TUSC3: variants seen among roughly 807,000 people sequenced by gnomAD.
TUSC3 encodes the protein tumor suppressor candidate 3.
Under a neutral mutation model 44.8 loss-of-function variants are expected in TUSC3, and 45 were observed. The ratio of observed to expected loss-of-function variants is 1.00; its 90% CI spans 0.79 to 1.29. The LOEUF is 1.29. Among genes scored for constraint, TUSC3 ranks in the 50% most tolerant of loss-of-function variants. The pLI is 0.00. For missense variants in TUSC3, 519 were observed against 437.9 expected, an observed-to-expected ratio of 1.19 and a Z score of -1.65; for synonymous variants, 212 against 152.9, an observed-to-expected ratio of 1.39 and a Z score of -2.85.
At chr8:15,775,748 C>CTATATATATATATA in the TUSC3 span, among the ~76,000 whole-genome samples, 2 of 138,890 alleles carry the variant, frequency 1.4e-5, no homozygotes, top group African/African-American at 5.3e-5. Flanking sequence ...ATATATTACA[C>CTATATATATATATA]TATATATATA....
chr8:15,838,220 C>G, the TUSC3 span, among the ~76,000 whole-genome samples: 1 of 152,106 alleles, frequency 6.6e-6, no homozygotes, highest in Non-Finnish European at 1.5e-5. Context: ...TTAGCACCTC[C>G]GGATATATCA....
At chr8:15,548,762 A>G (rs1301680414) in intron 1 of TUSC3, among the ~76,000 whole-genome samples, 1 of 151,830 alleles carries the variant, frequency 6.6e-6, no homozygotes, top group Non-Finnish European at 1.5e-5. Context: ...TACAACTTGT[A>G]TGTTTACAGT....
intron 1 of TUSC3, among the ~76,000 whole-genome samples, chr8:15,466,239 A>C (rs549781814): frequency 6.6e-6 from 1 of 152,314 alleles, no homozygotes; most frequent in Non-Finnish European, 1.5e-5. Flanking sequence ...TTTCTTTGGA[A>C]CAATTTCAAT....
intron 1 of TUSC3, among the ~76,000 whole-genome samples, chr8:15,433,669 G>A (rs1585786848): frequency 1.3e-5 from 2 of 151,976 alleles, no homozygotes; most frequent in African/African-American, 4.8e-5. Flanking sequence ...TTTGTCACTT[G>A]CAGAATTTAA....
At chr8:15,482,053 A>C (rs1441606042) in intron 1 of TUSC3, among the ~76,000 whole-genome samples, 1 of 152,180 alleles carries the variant, frequency 6.6e-6, no homozygotes, top group African/African-American at 2.4e-5. Flanking sequence ...ATTTGTTGTC[A>C]TCTCAACAAT....
the TUSC3 span, chr8:15,806,230 T>C: frequency 3.7e-6 from 2 of 546,406 alleles, no homozygotes. Flanking sequence ...TCAATAACAT[T>C]TTGCTTGTTT....
rs571668723 is a variant in TUSC3 at position 15,548,798 on chromosome 8, CTA to C, written c.138+8232_138+8233del. Among the ~76,000 whole-genome samples, 20 of 151,950 alleles carry C rather than the reference CTA, an allele frequency of 1.3e-4. 1 individual carries two copies. The South Asian group carries it at 3.8e-3, about 29-fold the overall frequency. On this transcript the variant is annotated intron_variant, in intron 1 of 10. Coordinates refer to ENST00000503731, the MANE Select transcript of TUSC3 (RefSeq NM_006765.4). Reference sequence around the variant, plus strand: ...TTTACTCCAGAATTCTCCTTCTACCCTATGTTTTAATAACTAGCTATACAACG... The same window carrying C: ...TTTACTCCAGAATTCTCCTTCTACCCTGTTTTAATAACTAGCTATACAACG...
chr8:15,550,680 T>A (rs922239719), intron 1 of TUSC3, among the ~76,000 whole-genome samples: 1 of 149,712 alleles, frequency 6.7e-6, no homozygotes, highest in Non-Finnish European at 1.5e-5. Flanking sequence ...TAGTTAATTA[T>A]TTTTTTTTAA....
At chr8:15,677,296 A>T (rs1244790633) in intron 6 of TUSC3, among the ~76,000 whole-genome samples, 1 of 152,164 alleles carries the variant, frequency 6.6e-6, no homozygotes, top group African/African-American at 2.4e-5. Flanking sequence ...CACTGTGCCC[A>T]TCTGTAAATG....
At chr8:15,700,273 G>A (rs1300344777) in intron 6 of TUSC3, among the ~76,000 whole-genome samples, 1 of 152,080 alleles carries the variant, frequency 6.6e-6, no homozygotes, top group Non-Finnish European at 1.5e-5. Flanking sequence ...GAATAACTAC[G>A]GTATGCTTTT....
chr8:15,455,972 G>C (rs145449976), intron 1 of TUSC3, among the ~76,000 whole-genome samples: 1 of 152,258 alleles, frequency 6.6e-6, no homozygotes, highest in Non-Finnish European at 1.5e-5. Flanking sequence ...GACCTTTGCA[G>C]ATTTTTTGCT....
chr8:15,490,423 A>G (rs990793390), intron 2 of TUSC3, among the ~76,000 whole-genome samples: 1 of 152,052 alleles, frequency 6.6e-6, no homozygotes, highest in South Asian at 2.1e-4. Context: ...CCCCACCACC[A>G]CCACTACCAT....
At chr8:15,689,867 A>AAAT (rs138528908) in intron 6 of TUSC3, among the ~76,000 whole-genome samples, 1 of 142,916 alleles carries the variant, frequency 7.0e-6, no homozygotes, top group African/African-American at 2.6e-5. Context: ...TGTGTGTATA[A>AAAT]ATATATATAT....
chr8:15,694,564 G>T (rs1186786908), intron 6 of TUSC3, among the ~76,000 whole-genome samples: 1 of 151,770 alleles, frequency 6.6e-6, no homozygotes, highest in Non-Finnish European at 1.5e-5. Context: ...GTGGGCTGAT[G>T]TCCCTTCAGT....
intron 1 of TUSC3, among the ~76,000 whole-genome samples, chr8:15,620,311 G>A (rs1262382062): frequency 6.6e-6 from 1 of 152,152 alleles, no homozygotes; most frequent in Non-Finnish European, 1.5e-5. Context: ...TGTCAAGATT[G>A]ATGCAAAATG....
intron 1 of TUSC3, among the ~76,000 whole-genome samples, chr8:15,591,484 A>T (rs897527898): frequency 6.6e-6 from 1 of 152,234 alleles, no homozygotes; most frequent in South Asian, 2.1e-4. Flanking sequence ...GAGAAATATT[A>T]TGAGCAAGAT....
chr8:15,476,095 C>T (rs762312785), intron 1 of TUSC3, among the ~76,000 whole-genome samples: 1 of 152,090 alleles, frequency 6.6e-6, no homozygotes, highest in Non-Finnish European at 1.5e-5. Flanking sequence ...ACTTTTTTAA[C>T]CAATAAAGTG....
the TUSC3 span, among the ~76,000 whole-genome samples, chr8:15,784,209 G>A: frequency 6.6e-6 from 1 of 152,124 alleles, no homozygotes; most frequent in Non-Finnish European, 1.5e-5. Context: ...TGATGGTGAG[G>A]ATGTGGAGAA....
chr8:15,693,942 C>T lies in TUSC3; in HGVS notation c.798+20106C>T, dbSNP rs190813745. On this transcript the variant is annotated intron_variant, in intron 6 of 10. Coordinates refer to ENST00000503731, the MANE Select transcript of TUSC3 (RefSeq NM_006765.4). ...TGCTCATTTGTGCTGTTGATACTTG[C>T]GATTGTATTCTGAAATTCTCTGAGT... Among the ~76,000 whole-genome samples the T allele has an allele frequency of 2.7e-3, 403 of 152,024 alleles. 1 individual carries two copies. Among genetic ancestry groups the T allele is most frequent in the African/African-American group, 8.8e-3 (366 of 41,454 alleles).
Sources: allele counts gnomAD v4.1 joint callset (sites outside exome capture counted in the v4.1 genomes callset), GRCh38; gene constraint gnomAD v4.1.1; transcripts MANE v1.5; gene names NCBI Gene and HGNC (gene_info 2026-07-23, HGNC 2026-07-21).